Variants in ATG4B observed in about 807,000 individuals in gnomAD.
The protein encoded by ATG4B is cysteine protease ATG4B.
A neutral mutation model predicts 56.6 loss-of-function variants in ATG4B; 29 were observed. The ratio of observed to expected loss-of-function variants is 0.51; its 90% CI spans 0.38 to 0.70. The LOEUF (loss-of-function observed/expected upper bound fraction) is 0.70. ATG4B is among the 30% of genes least tolerant of loss of function. The pLI, the probability that ATG4B is intolerant of heterozygous loss-of-function variation, is 0.00. For missense variants in ATG4B, 461 were observed against 515.5 expected, an observed-to-expected ratio of 0.89 and a Z score of 1.02; for synonymous variants, 224 against 206.1, an observed-to-expected ratio of 1.09 and a Z score of -0.74.
rs1452966135 is a variant in ATG4B at position 241,655,039 on chromosome 2, G to A, written c.386-232G>A. ...GAGCACTGTGTTTTCACTTATAGAA[G>A]GAAGTGGTCCCTTCATTTCCCCTCC... On this transcript the variant is annotated intron_variant, in intron 5 of 12. Coordinates refer to ENST00000404914, the MANE Select transcript of ATG4B (RefSeq NM_013325.5). 3.7e-5 allele frequency: 22 copies of A among 591,094 alleles called. No homozygotes were observed. In the East Asian group the frequency reaches 6.2e-4, roughly 17 times the overall value. 36.6% of individuals were successfully genotyped at this position (591,094 alleles called of 1,614,324 possible).
Position 241,672,247 on chromosome 2 carries a change from G to A in ATG4B, c.1165G>A (p.Glu389Lys). 6.3e-7 allele frequency: 1 copy of A among 1,581,420 alleles called. No homozygotes were observed. The highest frequency in any genetic ancestry group is 8.6e-7 in the Non-Finnish European group (1 of 1,163,284). ...RFFDSEDEDF[E>K]ILSL ...CTTCGACTCAGAAGATGAAGACTTT[G>A]AAATCCTGTCCCTTTGAAAATCCTG... is the stretch of plus-strand genomic sequence containing the variant. The change falls in exon 13 of 13, where the codon GAA (glutamate) becomes AAA (lysine). Residue 389 changes from glutamate (E) to lysine (K), a missense_variant. Physicochemically the swap from Glu to Lys is moderately conservative, Grantham distance 56. Transcript: ENST00000404914.
chr2:241,666,756 C>T lies in ATG4B; in HGVS notation c.650C>T (p.Ser217Leu), dbSNP rs535162630. Residue 217 changes from serine to leucine, a missense_variant, in exon 8 of 13, where the codon TCG becomes TTG. Ser to Leu is a moderately radical substitution (Grantham distance 145, BLOSUM62 -2). Coordinates refer to ENST00000404914, the MANE Select transcript of ATG4B (RefSeq NM_013325.5). The part of the protein sequence containing the change: ...PAGAEVTNRP[S>L]PWRPLVLLIP... Reference sequence around the variant, plus strand: ...GGAGCTGAGGTCACCAACAGGCCGTCGCCATGGAGACCCCTGGTACTTCTC... The same window carrying T: ...GGAGCTGAGGTCACCAACAGGCCGTTGCCATGGAGACCCCTGGTACTTCTC... The T allele has an allele frequency of 4.4e-6, 7 of 1,604,352 alleles. No individual in the cohort carries two copies. The highest frequency in any genetic ancestry group is 1.7e-5 in the Admixed American group (1 of 58,404).
At chr2:241,648,140 T>C (rs977254881) in intron 1 of ATG4B, among the ~76,000 whole-genome samples, 9 of 152,146 alleles carry the variant, frequency 5.9e-5, no homozygotes, top group African/African-American at 2.2e-4. Context: ...GGCATGGACC[T>C]TAATTCATCC....
rs1278298360 is a variant in ATG4B at position 241,673,059 on chromosome 2, C to T, written c.*795C>T. 3 of 164,258 alleles carry T rather than the reference C, an allele frequency of 1.8e-5. 1 individual carries two copies. The highest frequency in any genetic ancestry group is 2.7e-5 in the Non-Finnish European group (2 of 74,380). The allele number at this position is 164,258 out of a possible 1,614,324, so 10.2% of individuals were successfully genotyped here. A position where few individuals can be genotyped will look rare whatever the true frequency, so the allele number is the denominator to read the frequency against. ...TGGTGACGGGGGGGGGGCGGGGCCT[C>T]CACCTGTGACAGCCAGGCTTGAGGG... is the stretch of plus-strand genomic sequence containing the variant. On this transcript the variant is annotated 3_prime_UTR_variant, in exon 13 of 13. Transcript: ENST00000404914.
chr2:241,665,842 C>T (rs1450017079), intron 7 of ATG4B, among the ~76,000 whole-genome samples: 1 of 152,246 alleles, frequency 6.6e-6, no homozygotes, highest in Non-Finnish European at 1.5e-5. Flanking sequence ...TTTCTCCCAT[C>T]ACTTAGTGTG....
chr2:241,666,946 G>C lies in ATG4B; in HGVS notation c.732+108G>C, dbSNP rs570874636. 3.0e-6 allele frequency: 4 copies of C among 1,322,012 alleles called. No individual in the cohort carries two copies. In the African/African-American group the frequency reaches 4.4e-5, roughly 15 times the overall value. 81.9% of individuals were successfully genotyped at this position (1,322,012 alleles called of 1,614,324 possible). On this transcript the variant is annotated intron_variant, in intron 8 of 12. Coordinates refer to ENST00000404914, the MANE Select transcript of ATG4B (RefSeq NM_013325.5). ...GTGGCCATTTGTGCAGCCGGCTCTC[G>C]GGGGAGGGGTAAACAACCCTGGTTT...
chr2:241,647,743 T>G (rs1159489483), intron 1 of ATG4B, among the ~76,000 whole-genome samples: 1 of 152,062 alleles, frequency 6.6e-6, no homozygotes, highest in African/African-American at 2.4e-5. Context: ...GGTCAAAGAA[T>G]AGTAGGGACT....
intron 8 of ATG4B, among the ~76,000 whole-genome samples, chr2:241,667,406 C>T (rs1251191064): frequency 1.3e-5 from 2 of 151,922 alleles, no homozygotes; most frequent in Non-Finnish European, 2.9e-5. Context: ...GAGTCTGAGA[C>T]CAGCCTGGCC....
chr2:241,673,387 A>G lies in ATG4B; in HGVS notation c.*1123A>G, dbSNP rs1054809853. On this transcript the variant is annotated 3_prime_UTR_variant, in exon 13 of 13. Coordinates refer to ENST00000404914, the MANE Select transcript of ATG4B (RefSeq NM_013325.5). ...GAAAGTATCTTTGCCCCACTAGGAAATGTAAACAGGAGGGCTTGGGGAGCG... is the reference window on the plus strand; with the variant it reads ...GAAAGTATCTTTGCCCCACTAGGAAGTGTAAACAGGAGGGCTTGGGGAGCG... 1.1e-5 allele frequency: 4 copies of G among 363,320 alleles called. No homozygotes were observed. The highest frequency in any genetic ancestry group is 8.5e-5 in the African/African-American group (4 of 47,000). 22.5% of individuals were successfully genotyped at this position (363,320 alleles called of 1,614,324 possible).
Position 241,664,754 on chromosome 2 carries a change from A to G in ATG4B, c.539-1891A>G, listed in dbSNP as rs141657578. On this transcript the variant is annotated intron_variant, in intron 7 of 12. Coordinates refer to ENST00000404914, the MANE Select transcript of ATG4B (RefSeq NM_013325.5). ...TGAGGTGAGCAGATCACTTGAGGTC[A>G]GGAGTTCGAGACCAGCCCGGCCAAT... Among the ~76,000 whole-genome samples, 434 of 152,310 alleles carry G rather than the reference A, an allele frequency of 2.8e-3. 9 individuals are homozygous for G. The East Asian group carries it at 0.041, about 14-fold the overall frequency.
At chr2:241,656,358 G>C (rs988130217) in intron 6 of ATG4B, among the ~76,000 whole-genome samples, 3 of 151,304 alleles carry the variant, frequency 2.0e-5, no homozygotes, top group Non-Finnish European at 3.0e-5. Context: ...CTGTCTCCAG[G>C]GCCCGCCCTG....
At position 241,672,559 on chromosome 2, in the gene ATG4B, C is replaced by T; in HGVS notation, c.*295C>T. The T allele has an allele frequency of 2.3e-6, 1 of 439,576 alleles. No individual in the cohort carries two copies. The highest frequency in any genetic ancestry group is 4.1e-6 in the Non-Finnish European group (1 of 242,618). The allele number at this position is 439,576 out of a possible 1,614,324, so 27.2% of individuals were successfully genotyped here. On this transcript the variant is annotated 3_prime_UTR_variant, in exon 13 of 13. Coordinates refer to ENST00000404914, the MANE Select transcript of ATG4B (RefSeq NM_013325.5). Reference sequence around the variant, plus strand: ...GCCAGCCCCGTGTTAGCACCTGGGCCTCAGTCCCACTTGCTCCCAGGCGCC... The same window carrying T: ...GCCAGCCCCGTGTTAGCACCTGGGCTTCAGTCCCACTTGCTCCCAGGCGCC...
At chr2:241,655,440 G>A in intron 6 of ATG4B, 97 bp downstream of exon 6, 2 of 1,260,428 alleles carry the variant, frequency 1.6e-6, no homozygotes, top group South Asian at 1.3e-5. Flanking sequence ...GAAATAAGGG[G>A]TCTCTAATTA....
chr2:241,664,128 A>G (rs919074751), intron 7 of ATG4B, among the ~76,000 whole-genome samples: 4 of 152,064 alleles, frequency 2.6e-5, no homozygotes, highest in Non-Finnish European at 5.9e-5. Flanking sequence ...CTCATTCTAT[A>G]AAATATTTTA....
In ATG4B at chr2:241,654,530, AT is replaced by A. The variant is rs762618447; in HGVS notation, c.284-8del. 15 of 1,564,638 alleles carry A rather than the reference AT, an allele frequency of 9.6e-6. No homozygotes were observed. Among genetic ancestry groups the A allele is most frequent in the African/African-American group, 1.4e-5 (1 of 73,650 alleles). ...ATATTTATGGTAGAGCTGACCTGTAATTTTTTTTCCAATAGATTGGAGGTGG... is the reference window on the plus strand; with the variant it reads ...ATATTTATGGTAGAGCTGACCTGTAATTTTTTTCCAATAGATTGGAGGTGG... On this transcript the variant is annotated splice_polypyrimidine_tract_variant and intron_variant, in intron 4 of 12. Transcript: ENST00000404914.
At chr2:241,655,812 C>T (rs184132872) in intron 6 of ATG4B, among the ~76,000 whole-genome samples, 162 of 152,320 alleles carry the variant, frequency 1.1e-3, no homozygotes, top group African/African-American at 3.6e-3. Flanking sequence ...TGCTCCGCAC[C>T]GCTTCCTTTC....
intron 7 of ATG4B, among the ~76,000 whole-genome samples, chr2:241,662,237 A>G (rs918290417): frequency 1.3e-5 from 2 of 152,178 alleles, no homozygotes; most frequent in Admixed American, 1.3e-4. Flanking sequence ...AGTAAAGGGA[A>G]ACTTCTCTAA....
Position 241,647,233 on chromosome 2 carries a change from C to T in ATG4B, c.11-3777C>T, listed in dbSNP as rs573806047. On this transcript the variant is annotated intron_variant, in intron 1 of 12. Coordinates refer to ENST00000404914, the MANE Select transcript of ATG4B (RefSeq NM_013325.5). The stretch of plus-strand genomic sequence containing the variant: ...TACTTTAAATAAAAGATATGTGTAT[C>T]TTTAGTTCAAAGCTGGTGCCTTGGA... Among the ~76,000 whole-genome samples, 4 of 152,264 alleles carry T rather than the reference C, an allele frequency of 2.6e-5. No homozygotes were observed. In the South Asian group the frequency reaches 8.3e-4, roughly 32 times the overall value.
chr2:241,665,520 C>T (rs189417983), intron 7 of ATG4B, among the ~76,000 whole-genome samples: 8 of 152,280 alleles, frequency 5.3e-5, no homozygotes, highest in Admixed American at 3.3e-4. Context: ...GCATTTTTGA[C>T]GAGTTCAGGT....
Sources: allele counts gnomAD v4.1 joint callset (sites outside exome capture counted in the v4.1 genomes callset), GRCh38; gene constraint gnomAD v4.1.1; transcripts MANE v1.5; gene names NCBI Gene and HGNC (gene_info 2026-07-23, HGNC 2026-07-21).